The following KIAA1217 variants were observed in gnomAD, a reference collection of about 807,000 sequenced individuals.
KIAA1217 encodes KIAA1217.
Under a neutral mutation model 163.9 loss-of-function variants are expected in KIAA1217, and 88 were observed. The observed-to-expected ratio is 0.54, with a 90% CI of 0.45 to 0.64. The LOEUF (loss-of-function observed/expected upper bound fraction) is 0.64, where lower values mean the gene tolerates loss of function less well. KIAA1217 is among the 30% of genes least tolerant of loss of function. KIAA1217 has a pLI of 0.00. For missense variants in KIAA1217, 2,372 were observed against 2,475.0 expected, an observed-to-expected ratio of 0.96 and a Z score of 0.88; for synonymous variants, 903 against 923.1, an observed-to-expected ratio of 0.98 and a Z score of 0.39.
In KIAA1217 at chr10:24,484,224, CATAT is replaced by C. The variant is rs1170144059; in HGVS notation, c.1679+10179_1679+10182del. 7.6e-4 allele frequency among the ~76,000 whole-genome samples: 69 copies of C among 90,530 alleles called. 1 individual carries two copies. Among genetic ancestry groups the C allele is most frequent in the African/African-American group, 2.1e-3 (45 of 21,212 alleles). The allele number at this position is 90,530 out of a possible 152,430, so 59.4% of individuals were successfully genotyped here. Reference sequence around the variant, plus strand: ...ACATATATATAGATAGATAGATATACATATATATATATATATATTTTTTTTTTTT... The same window carrying C: ...ACATATATATAGATAGATAGATATACATATATATATATATTTTTTTTTTTT... On this transcript the variant is annotated intron_variant, in intron 6 of 20. Coordinates refer to ENST00000376454, the MANE Select transcript of KIAA1217 (RefSeq NM_019590.5).
chr10:24,434,493 A>G (rs2059870390), intron 4 of KIAA1217, among the ~76,000 whole-genome samples: 1 of 152,074 alleles, frequency 6.6e-6, no homozygotes, highest in African/African-American at 2.4e-5. Flanking sequence ...ACATGCCACC[A>G]TATCTGGCTA....
chr10:24,190,142 G>A (rs72773199), intron 2 of KIAA1217, among the ~76,000 whole-genome samples: 4 of 152,122 alleles, frequency 2.6e-5, no homozygotes, highest in African/African-American at 4.8e-5. Context: ...CTCTCTTTGC[G>A]GCAGGCGTTT....
At chr10:23,989,117 A>C (rs1846104982) in intron 1 of KIAA1217, among the ~76,000 whole-genome samples, 1 of 152,240 alleles carries the variant, frequency 6.6e-6, no homozygotes, top group Admixed American at 6.5e-5. Context: ...ATAACTTCCA[A>C]CAGTTGGAAC....
chr10:24,372,242 C>T (rs1044292325), intron 2 of KIAA1217, among the ~76,000 whole-genome samples: 3 of 152,156 alleles, frequency 2.0e-5, no homozygotes, highest in Admixed American at 6.5e-5. Context: ...GTCTCAACTC[C>T]ATCTCCTTGA....
intron 2 of KIAA1217, among the ~76,000 whole-genome samples, chr10:24,201,669 G>C (rs1368157759): frequency 6.6e-6 from 1 of 152,266 alleles, no homozygotes; most frequent in East Asian, 1.9e-4. Context: ...GCAAGGAACA[G>C]AAGTCCCCAC....
chr10:24,466,785 G>C, intron 5 of KIAA1217: 1 of 985,362 alleles, frequency 1.0e-6, no homozygotes. Context: ...ATTTCCTTAA[G>C]AAAAAGTAAG....
intron 2 of KIAA1217, among the ~76,000 whole-genome samples, chr10:24,338,126 A>G (rs990905046): frequency 5.9e-5 from 9 of 152,294 alleles, no homozygotes; most frequent in East Asian, 5.8e-4. Flanking sequence ...ATTCCCCTTG[A>G]ATCTTTTTGT....
chr10:23,743,869 C>CA (rs1839255910), intron 1 of KIAA1217, among the ~76,000 whole-genome samples: 1 of 150,560 alleles, frequency 6.6e-6, no homozygotes, highest in African/African-American at 2.5e-5. Flanking sequence ...TTAATAGGAC[C>CA]ATGTTTTTGC....
chr10:24,178,270 C>T (rs1030498408), intron 2 of KIAA1217, among the ~76,000 whole-genome samples: 1 of 152,178 alleles, frequency 6.6e-6, no homozygotes, highest in East Asian at 1.9e-4. Context: ...TTTAATAATG[C>T]TTTATTTGTA....
chr10:24,404,519 A>G (rs572398616), intron 3 of KIAA1217, among the ~76,000 whole-genome samples: 1 of 146,000 alleles, frequency 6.8e-6, no homozygotes, highest in African/African-American at 2.6e-5. Context: ...GTGAGCTGAG[A>G]TCACACCACT....
chr10:24,405,666 G>T (rs2057130626), intron 3 of KIAA1217, among the ~76,000 whole-genome samples: 1 of 152,184 alleles, frequency 6.6e-6, no homozygotes, highest in African/African-American at 2.4e-5. Flanking sequence ...TCTGCCCTGT[G>T]TCTGGAAACC....
intron 2 of KIAA1217, among the ~76,000 whole-genome samples, chr10:24,093,433 A>T (rs888252161): frequency 2.6e-4 from 39 of 151,432 alleles, no homozygotes; most frequent in Non-Finnish European, 1.8e-4. Context: ...CAGCCTCTCA[A>T]AGTGCTGGGA....
chr10:23,700,338 T>C (rs1836352090), intron 1 of KIAA1217, among the ~76,000 whole-genome samples: 1 of 152,076 alleles, frequency 6.6e-6, no homozygotes, highest in Admixed American at 6.5e-5. Context: ...TGCAGTCATA[T>C]CCCTGAATTA....
intron 2 of KIAA1217, among the ~76,000 whole-genome samples, chr10:24,145,022 G>A (rs887930405): frequency 6.6e-6 from 1 of 152,176 alleles, no homozygotes; most frequent in African/African-American, 2.4e-5. Flanking sequence ...TCTTATTTGG[G>A]TTTTCATTAT....
At chr10:24,525,749 G>A (rs1490668749) in intron 13 of KIAA1217, among the ~76,000 whole-genome samples, 2 of 152,174 alleles carry the variant, frequency 1.3e-5, no homozygotes, top group African/African-American at 4.8e-5. Flanking sequence ...AGCACTTTGG[G>A]AGGCCGAGGC....
chr10:23,991,230 C>A (rs552359203), intron 1 of KIAA1217, among the ~76,000 whole-genome samples: 10 of 152,234 alleles, frequency 6.6e-5, no homozygotes, highest in Non-Finnish European at 1.2e-4. Flanking sequence ...TGCTCCCATG[C>A]AGCCACTTGA....
intron 1 of KIAA1217, among the ~76,000 whole-genome samples, chr10:23,955,689 C>G (rs1844530319): frequency 6.6e-6 from 1 of 152,132 alleles, no homozygotes; most frequent in African/African-American, 2.4e-5. Context: ...GGCAAGTTAG[C>G]TGGATAGTAT....
At chr10:24,523,903 G>A (rs2071690492) in intron 12 of KIAA1217, among the ~76,000 whole-genome samples, 1 of 152,198 alleles carries the variant, frequency 6.6e-6, no homozygotes, top group African/African-American at 2.4e-5. Context: ...GTTGAATCCA[G>A]GTGGGGAAGC....
intron 16 of KIAA1217, among the ~76,000 whole-genome samples, chr10:24,535,638 G>A (rs554900632): frequency 7.1e-4 from 108 of 152,198 alleles, no homozygotes; most frequent in African/African-American, 2.4e-3. Flanking sequence ...TCAGCCAGGC[G>A]TGGTGGCGGG....
Sources: allele counts gnomAD v4.1 joint callset (sites outside exome capture counted in the v4.1 genomes callset), GRCh38; gene constraint gnomAD v4.1.1; transcripts MANE v1.5; gene names NCBI Gene and HGNC (gene_info 2026-07-23, HGNC 2026-07-21).